The following GABRG1 variants were observed in gnomAD, a reference collection of about 807,000 sequenced individuals.
The protein encoded by GABRG1 is gamma-aminobutyric acid receptor subunit gamma-1.
GABRG1 carries 49 observed loss-of-function variants against 49.8 expected under a neutral mutation model. The observed-to-expected ratio is 0.98, with a 90% CI of 0.78 to 1.25. GABRG1 has a LOEUF of 1.25. Ranked by LOEUF, GABRG1 falls within the 50% of genes most tolerant of loss-of-function variation. GABRG1 has a pLI of 0.00. For synonymous variants in GABRG1, 232 were observed against 185.1 expected (o/e 1.25, Z -2.06); for missense variants, 552 against 552.3 (o/e 1.00, Z 0.01).
intron 5 of GABRG1, among the ~76,000 whole-genome samples, chr4:46,060,158 TA>T (rs1327472876): frequency 3.3e-5 from 5 of 152,076 alleles, no homozygotes; most frequent in African/African-American, 1.2e-4. Context: ...GCTAAAAATC[TA>T]TTTGAGGTAG....
chr4:46,090,017 A>T (rs1719921941), intron 2 of GABRG1, among the ~76,000 whole-genome samples: 1 of 152,086 alleles, frequency 6.6e-6, no homozygotes, highest in Non-Finnish European at 1.5e-5. Context: ...TGGAAGCTTA[A>T]CTGGATGAAC....
chr4:46,097,161 T>A, intron 2 of GABRG1, 40 bp downstream of exon 2: 1 of 1,556,308 alleles, frequency 6.4e-7, no homozygotes, highest in Non-Finnish European at 8.7e-7. Flanking sequence ...ATGATATGTT[T>A]AATGGTCATC....
chr4:46,060,101 G>A (rs1560353427), intron 5 of GABRG1, among the ~76,000 whole-genome samples: 1 of 152,082 alleles, frequency 6.6e-6, no homozygotes, highest in Non-Finnish European at 1.5e-5. Context: ...CTTGTATCAG[G>A]AATATCTTTG....
rs957992408 is a variant in GABRG1, at chr4:46,040,144, T to C, written c.*844A>G. On this transcript the variant is annotated 3_prime_UTR_variant, in exon 9 of 9. Coordinates refer to ENST00000295452, the MANE Select transcript of GABRG1 (RefSeq NM_173536.4). ...CTTTCATAAAACATAAAGAAAAAAA[T>C]AATCATTTCTCTCTGCATTTAATTT... The C allele has an allele frequency of 2.0e-5, 3 of 152,026 alleles. No individual in the cohort carries two copies. Among genetic ancestry groups the C allele is most frequent in the African/African-American group, 7.2e-5 (3 of 41,552 alleles). 9.4% of individuals were successfully genotyped at this position (152,026 alleles called of 1,614,324 possible).
At chr4:46,086,916 G>A (rs564283708) in intron 2 of GABRG1, among the ~76,000 whole-genome samples, 158 of 150,788 alleles carry the variant, frequency 1.0e-3, no homozygotes, top group Non-Finnish European at 1.9e-3. Context: ...TTTTTAGAAA[G>A]CAAAGGAATA....
Position 46,040,310 on chromosome 4 carries a change from A to C in GABRG1, c.*678T>G, listed in dbSNP as rs1717718421. 1 of 152,170 alleles carries C rather than the reference A, an allele frequency of 6.6e-6. No homozygotes were observed. The allele number at this position is 152,170 out of a possible 1,614,324, so 9.4% of individuals were successfully genotyped here. A position where few individuals can be genotyped will look rare whatever the true frequency, so the allele number is the denominator to read the frequency against. On this transcript the variant is annotated 3_prime_UTR_variant, in exon 9 of 9. Coordinates refer to ENST00000295452, the MANE Select transcript of GABRG1 (RefSeq NM_173536.4). ...TTCTTAAAAAATGACTGGTGGCTTC[A>C]TTCCAAGTTTGCAAATCACCAAAGT...
At chr4:46,122,170 G>A (rs529206354) in intron 1 of GABRG1, among the ~76,000 whole-genome samples, 1 of 151,926 alleles carries the variant, frequency 6.6e-6, no homozygotes, top group Non-Finnish European at 1.5e-5. Flanking sequence ...AATTCTGGGA[G>A]CTTGATGTAA....
intron 8 of GABRG1, among the ~76,000 whole-genome samples, chr4:46,042,715 C>G (rs1717832045): frequency 6.6e-6 from 1 of 151,866 alleles, no homozygotes; most frequent in Admixed American, 6.6e-5. Context: ...TTCCAAGTCA[C>G]CAAATATTAA....
At position 46,108,157 on chromosome 4, in the gene GABRG1, A is replaced by G. The variant is rs181041451; in HGVS notation, c.105-10808T>C. Among the ~76,000 whole-genome samples the G allele has an allele frequency of 9.3e-5, 14 of 151,308 alleles. No homozygotes were observed. In the East Asian group the frequency reaches 2.7e-3, roughly 30 times the overall value. Reference sequence around the variant, plus strand: ...AAGTATGGAATGAAAAAATTCTAAGAAACATATAGTATTGGGGAATTTTTA... The same window carrying G: ...AAGTATGGAATGAAAAAATTCTAAGGAACATATAGTATTGGGGAATTTTTA... On this transcript the variant is annotated intron_variant, in intron 1 of 8. Coordinates refer to ENST00000295452, the MANE Select transcript of GABRG1 (RefSeq NM_173536.4).
chr4:46,106,430 A>G (rs187018474), intron 1 of GABRG1, among the ~76,000 whole-genome samples: 2 of 151,622 alleles, frequency 1.3e-5, no homozygotes, highest in Admixed American at 6.6e-5. Flanking sequence ...AATGAAAAAA[A>G]TCTTATACAA....
rs1718833837 is a variant in GABRG1, at chr4:46,064,510, CATTA to C, written c.552_555del (p.Ile184MetfsTer41). ...TTATGAAGCTGAAGATAACATTCTG[CATTA>C]ATTGTCAATCTATTTAGATGGAAAG... On this transcript the variant is annotated frameshift_variant, in exon 5 of 9. Coordinates refer to ENST00000295452, the MANE Select transcript of GABRG1 (RefSeq NM_173536.4). LOFTEE classifies it high-confidence loss of function. 2 of 1,502,918 alleles carry C rather than the reference CATTA, an allele frequency of 1.3e-6. No individual in the cohort carries two copies. The highest frequency in any genetic ancestry group is 1.8e-6 in the Non-Finnish European group (2 of 1,114,792). 93.1% of individuals were successfully genotyped at this position (1,502,918 alleles called of 1,614,324 possible).
At position 46,038,196 on chromosome 4, in the gene GABRG1, T is replaced by C. The variant is rs1717606138; in HGVS notation, c.*2792A>G. ...CCCTGCTAAATTCTCAAGTATTCTATGTATTTTTTACTTTTTTTTAGAACT... is the reference window on the plus strand; with the variant it reads ...CCCTGCTAAATTCTCAAGTATTCTACGTATTTTTTACTTTTTTTTAGAACT... On this transcript the variant is annotated 3_prime_UTR_variant, in exon 9 of 9. Coordinates refer to ENST00000295452, the MANE Select transcript of GABRG1 (RefSeq NM_173536.4). 6.6e-6 allele frequency: 1 copy of C among 151,726 alleles called. No individual in the cohort carries two copies. Among genetic ancestry groups the C allele is most frequent in the Non-Finnish European group, 1.5e-5 (1 of 67,738 alleles). The allele number at this position is 151,726 out of a possible 1,614,324, so 9.4% of individuals were successfully genotyped here.
At chr4:46,044,554 A>G (rs1280169424) in intron 8 of GABRG1, among the ~76,000 whole-genome samples, 1 of 152,084 alleles carries the variant, frequency 6.6e-6, no homozygotes, top group South Asian at 2.1e-4. Flanking sequence ...AGAATTTCTG[A>G]TCAATTTCTG....
rs968366744 is a variant in GABRG1, at chr4:46,124,001, A to C, written c.-88T>G. ...ACCTCAGCAGCAGCTGGCTGAGTAC[A>C]GAAGGGAGAGTGTGGAAAGGCAGTG... On this transcript the variant is annotated 5_prime_UTR_variant, in exon 1 of 9. Coordinates refer to ENST00000295452, the MANE Select transcript of GABRG1 (RefSeq NM_173536.4). 2 of 948,354 alleles carry C rather than the reference A, an allele frequency of 2.1e-6. No individual in the cohort carries two copies. Among genetic ancestry groups the C allele is most frequent in the African/African-American group, 3.2e-5 (2 of 61,904 alleles). The allele number at this position is 948,354 out of a possible 1,614,324, so 58.7% of individuals were successfully genotyped here. A position where few individuals can be genotyped will look rare whatever the true frequency, so the allele number is the denominator to read the frequency against.
intron 1 of GABRG1, among the ~76,000 whole-genome samples, chr4:46,112,729 G>T (rs914736438): frequency 6.6e-6 from 1 of 151,036 alleles, no homozygotes; most frequent in Non-Finnish European, 1.5e-5. Context: ...TTGTAAGTGT[G>T]AGCCTAACAT....
At chr4:46,071,340 A>G (rs1719110408) in intron 3 of GABRG1, among the ~76,000 whole-genome samples, 1 of 151,174 alleles carries the variant, frequency 6.6e-6, no homozygotes, top group South Asian at 2.1e-4. Flanking sequence ...TGTATTATAT[A>G]TATACATAAC....
intron 7 of GABRG1, among the ~76,000 whole-genome samples, chr4:46,056,761 G>T (rs981730137): frequency 1.3e-5 from 2 of 152,086 alleles, no homozygotes; most frequent in East Asian, 3.9e-4. Flanking sequence ...AAATTGTCTT[G>T]CAGTGATATG....
At chr4:46,071,961 T>C (rs755451175) in intron 3 of GABRG1, among the ~76,000 whole-genome samples, 21 of 152,044 alleles carry the variant, frequency 1.4e-4, no homozygotes, top group Non-Finnish European at 3.1e-4. Flanking sequence ...TGCAAAGTAA[T>C]GTCCAGGCCT....
chr4:46,108,471 T>C (rs1351072172), intron 1 of GABRG1, among the ~76,000 whole-genome samples: 1 of 151,134 alleles, frequency 6.6e-6, no homozygotes, highest in Non-Finnish European at 1.5e-5. Context: ...TTCTCAAGAA[T>C]CTTAAAATTT....
Sources: gnomAD v4.1 joint callset for allele counts (sites outside exome capture counted in the v4.1 genomes callset) on GRCh38, gnomAD v4.1.1 for gene constraint, MANE v1.5 for transcripts, NCBI Gene and HGNC (gene_info 2026-07-23, HGNC 2026-07-21) for gene names.